Variants in LILRA5 observed in about 807,000 individuals in gnomAD.
LILRA5 encodes the protein leukocyte immunoglobulin like receptor A5, also known as leukocyte immunoglobulin-like receptor subfamily A member 5.
In LILRA5, 31 loss-of-function variants were observed where a neutral mutation model predicts 36.3. The ratio of observed to expected loss-of-function variants is 0.85; its 90% CI spans 0.64 to 1.15. The LOEUF (loss-of-function observed/expected upper bound fraction) is 1.15. Ranked by LOEUF, LILRA5 falls within the 50% of genes most tolerant of loss-of-function variation. The probability of loss-of-function intolerance (pLI) is 0.00; values close to 1 mark genes in which losing one functional copy is unlikely to be tolerated. For synonymous variants in LILRA5, 144 were observed against 144.8 expected, an observed-to-expected ratio of 0.99 and a Z score of 0.04; for missense variants, 348 against 377.4, an observed-to-expected ratio of 0.92 and a Z score of 0.64.
chr19:54,310,891 G>T, intron 5 of LILRA5: 1 of 248,440 alleles, frequency 4.0e-6, no homozygotes. Flanking sequence ...AAAGGAGCCG[G>T]GACTGCAGGG....
intron 5 of LILRA5, chr19:54,311,182 C>G: frequency 1.7e-6 from 2 of 1,211,698 alleles, no homozygotes; most frequent in Non-Finnish European, 2.2e-6. Flanking sequence ...TCTTGAACTC[C>G]TGACATCAGG....
At chr19:54,308,216 C>A in intron 5 of LILRA5, 1 of 171,268 alleles carries the variant, frequency 5.8e-6, no homozygotes. Flanking sequence ...CCCTTGACGC[C>A]ACCTCAACCA....
intron 5 of LILRA5, chr19:54,308,341 A>G (rs4990479): frequency 0.63 from 49,944 of 78,900 alleles, 14,724 homozygotes; most frequent in Middle Eastern, 0.73. Context: ...GTGTGTATAT[A>G]TATGTATATA....
intron 5 of LILRA5, chr19:54,308,897 C>A (rs912542596): frequency 2.0e-5 from 3 of 151,936 alleles, no homozygotes; most frequent in African/African-American, 7.3e-5. Flanking sequence ...CTTATATAAC[C>A]ATACATAAAT....
chr19:54,310,878 G>A lies in LILRA5; in HGVS notation c.712+536C>T, dbSNP rs1277218588. 2.0e-5 allele frequency: 5 copies of A among 256,228 alleles called. No individual in the cohort carries two copies. In the East Asian group the frequency reaches 5.7e-4, roughly 29 times the overall value. The allele number at this position is 256,228 out of a possible 1,614,324, so 15.9% of individuals were successfully genotyped here. A position where few individuals can be genotyped will look rare whatever the true frequency, so the allele number is the denominator to read the frequency against. On this transcript the variant is annotated intron_variant, in intron 5 of 6. Coordinates refer to ENST00000432233, the MANE Select transcript of LILRA5 (RefSeq NM_021250.4). Reference sequence around the variant, plus strand: ...AGGGCTTTCTAGACACACCTGGAAGGATAAAGGAGCCGGGACTGCAGGGGC... The same window carrying A: ...AGGGCTTTCTAGACACACCTGGAAGAATAAAGGAGCCGGGACTGCAGGGGC...
chr19:54,312,503 T>C, intron 2 of LILRA5, 34 bp downstream of exon 2: 1 of 1,613,850 alleles, frequency 6.2e-7, no homozygotes, highest in Non-Finnish European at 8.5e-7. Flanking sequence ...CCTCCCAGAC[T>C]AGGGTGCCCC....
At chr19:54,310,752 C>A in intron 5 of LILRA5, 1 of 288,358 alleles carries the variant, frequency 3.5e-6, no homozygotes, top group South Asian at 3.1e-5. Context: ...CACGTCTGTC[C>A]TCCTTGTAGA....
intron 2 of LILRA5, 69 bp downstream of exon 2, chr19:54,312,467 CA>C: frequency 6.2e-7 from 1 of 1,613,914 alleles, no homozygotes; most frequent in Non-Finnish European, 8.5e-7. Flanking sequence ...TCCTGATAGA[CA>C]AGGGCCTCGT....
chr19:54,312,827 T>A, intron 1 of LILRA5, 190 bp downstream of exon 1: 1 of 811,502 alleles, frequency 1.2e-6, no homozygotes, highest in Non-Finnish European at 2.0e-6. Flanking sequence ...GGGTCTCCCT[T>A]CCCCGGGCCA....
Position 54,307,467 on chromosome 19 carries a change from C to G in LILRA5, c.846G>C (p.Leu282=), listed in dbSNP as rs1482944414. The part of the protein sequence containing the change: ...AGLILVVLGI[L]IFQDWHSQRS... ...TCTGGCTGTGCCAATCCTGAAATAT[C>G]AGAATCCCAAGGACCACCAGGATCA... The change falls in exon 7 of 7, where the codon CTG becomes CTC. Residue 282 remains leucine, a synonymous_variant. Transcript: ENST00000432233. 1 of 1,613,810 alleles carries G rather than the reference C, an allele frequency of 6.2e-7. No individual in the cohort carries two copies. Among genetic ancestry groups the G allele is most frequent in the Non-Finnish European group, 8.5e-7 (1 of 1,179,960 alleles).
At position 54,313,102 on chromosome 19, in the gene LILRA5, A is replaced by G. The variant is rs2147859650; in HGVS notation, c.-83T>C. On this transcript the variant is annotated 5_prime_UTR_variant, in exon 1 of 7. An upstream start codon of the reference 5' UTR is lost. Transcript: ENST00000432233. ...GGCAGACTCAGATCAGCAGAGACACATCTGACACCTGGCTGTGTAGCCCAG... is the reference window on the plus strand; with the variant it reads ...GGCAGACTCAGATCAGCAGAGACACGTCTGACACCTGGCTGTGTAGCCCAG... 2.0e-6 allele frequency: 3 copies of G among 1,487,416 alleles called. No individual in the cohort carries two copies. Among genetic ancestry groups the G allele is most frequent in the South Asian group, 1.1e-5 (1 of 88,554 alleles). The allele number at this position is 1,487,416 out of a possible 1,614,324, so 92.1% of individuals were successfully genotyped here.
In LILRA5 at chr19:54,311,266, T is replaced by C. The variant is rs1248041318; in HGVS notation, c.712+148A>G. On this transcript the variant is annotated intron_variant, in intron 5 of 6. Coordinates refer to ENST00000432233, the MANE Select transcript of LILRA5 (RefSeq NM_021250.4). ...CCACTGTGCCCAGCCCTTGCTTTGT[T>C]TTCCTCACCCTGAATTTGTGTCCCT... 7.0e-6 allele frequency: 11 copies of C among 1,565,360 alleles called. No homozygotes were observed. The Admixed American group carries it at 1.3e-4, about 18-fold the overall frequency.
At chr19:54,312,796 C>A in intron 1 of LILRA5, 175 bp from the exon 2 acceptor site, 1 of 774,436 alleles carries the variant, frequency 1.3e-6, no homozygotes, top group Non-Finnish European at 2.1e-6. Context: ...AGGCTCTCTG[C>A]AGACATTTCA....
At chr19:54,312,286 T>A (rs777792912) in intron 3 of LILRA5, 49 bp downstream of exon 3, 1 of 1,614,072 alleles carries the variant, frequency 6.2e-7, no homozygotes, top group Non-Finnish European at 8.5e-7. Flanking sequence ...GGGTGGCCCT[T>A]TGTCCCCATT....
At chr19:54,312,742 C>G in intron 1 of LILRA5, 121 bp from the exon 2 acceptor site, 1 of 1,030,386 alleles carries the variant, frequency 9.7e-7, no homozygotes, top group Non-Finnish European at 1.4e-6. Flanking sequence ...GCCTGGCTCT[C>G]ATTTCCCCAG....
chr19:54,312,578 C>G lies in LILRA5; in HGVS notation c.47G>C (p.Gly16Ala). ...HPSAQLQPVG[G>A]DAVSPALMVL... is the part of the protein sequence containing the mutation. ...CATGAGGGCAGGGCTCACGGCGTCT[C>G]CTCCCACTGGCTGCAGCTGTGCAGA... Residue 16 changes from glycine to alanine, a missense_variant, in exon 2 of 7, where the codon GGA (glycine) becomes GCA (alanine). Transcript: ENST00000432233. 6.2e-7 allele frequency: 1 copy of G among 1,614,204 alleles called. No individual in the cohort carries two copies. Among genetic ancestry groups the G allele is most frequent in the Non-Finnish European group, 8.5e-7 (1 of 1,180,036 alleles).
At chr19:54,312,929 G>C in intron 1 of LILRA5, 88 bp downstream of exon 1, 1 of 1,555,700 alleles carries the variant, frequency 6.4e-7, no homozygotes, top group Non-Finnish European at 8.9e-7. Context: ...TTTCAGGCGA[G>C]GGTGACCTCC....
At position 54,307,510 on chromosome 19, in the gene LILRA5, C is replaced by T. The variant is rs145816402; in HGVS notation, c.803G>A (p.Arg268His). The change falls in exon 7 of 7, where the codon CGC becomes CAC. Residue 268 changes from arginine to histidine, a missense_variant. Arg to His is a conservative substitution (Grantham distance 29, BLOSUM62 0). Coordinates refer to ENST00000432233, the MANE Select transcript of LILRA5 (RefSeq NM_021250.4). ...CAGGATCAAGCCGGCCATGCCCATG[C>T]GGATGAGATTCTCTACTGCGTAATC... ...LQDYAVENLIRMGMAGLILVV... is the reference protein window; with the variant it reads ...LQDYAVENLIHMGMAGLILVV... The T allele has an allele frequency of 4.8e-4, 768 of 1,613,946 alleles. 5 individuals are homozygous for T. The highest frequency in any genetic ancestry group is 2.9e-3 in the South Asian group (267 of 91,058).
intron 5 of LILRA5, chr19:54,309,323 G>A (rs143936046): frequency 0.022 from 3,294 of 152,220 alleles, 55 homozygotes; most frequent in Non-Finnish European, 0.036. Context: ...AAATTAGCCC[G>A]GCATGGTGGT....
Sources: allele counts gnomAD v4.1 joint callset, GRCh38; gene constraint gnomAD v4.1.1; transcripts MANE v1.5; gene names NCBI Gene and HGNC (gene_info 2026-07-23, HGNC 2026-07-21).